MLXIP: variants seen among roughly 807,000 people sequenced by gnomAD.
MLXIP encodes the protein MLX interacting protein.
Under a neutral mutation model 87.2 loss-of-function variants are expected in MLXIP, and 30 were observed. The observed-to-expected ratio is 0.34, with a 90% CI of 0.26 to 0.47. MLXIP has a LOEUF of 0.47. Ranked by LOEUF, MLXIP falls within the 20% of genes least tolerant of loss-of-function variation. The pLI, the probability that MLXIP is intolerant of heterozygous loss-of-function variation, is 1.00. For missense variants in MLXIP, 1,002 were observed against 1,240.1 expected, an observed-to-expected ratio of 0.81 and a Z score of 2.88; for synonymous variants, 530 against 514.0, an observed-to-expected ratio of 1.03 and a Z score of -0.42.
chr12:122,133,936 C>G lies in MLXIP; in HGVS notation c.1681C>G (p.Pro561Ala). The change falls in exon 9 of 17, where the codon CCC becomes GCC. Residue 561 changes from proline to alanine, a missense_variant. By Grantham distance (27) the Pro-to-Ala change is conservative. Around this residue, in one of 3 missense-constraint regions of MLXIP, gnomAD observed 746 missense variants for 897.0 expected, o/e 0.83. Transcript: ENST00000319080. This position sits in a 1 kb window ranked among gnomAD's most constrained non-coding sequence, Gnocchi z 4.9. Reference protein sequence around the residue: ...PKQPHKIVPAPKPEPVSLVLK... With the variant: ...PKQPHKIVPAAKPEPVSLVLK... ...GCAGCCCCACAAAATAGTGCCTGCTCCCAAACCAGAGCCCGTGTCCTTGGT... is the reference window on the plus strand; with the variant it reads ...GCAGCCCCACAAAATAGTGCCTGCTGCCAAACCAGAGCCCGTGTCCTTGGT... 1 of 1,607,326 alleles carries G rather than the reference C, an allele frequency of 6.2e-7. No individual in the cohort carries two copies. Among genetic ancestry groups the G allele is most frequent in the East Asian group, 2.2e-5 (1 of 44,666 alleles).
chr12:122,137,784 T>C lies in MLXIP; in HGVS notation c.2154+194T>C. On this transcript the variant is annotated intron_variant, in intron 12 of 16. Transcript: ENST00000319080. This position sits in a 1 kb window ranked among gnomAD's most constrained non-coding sequence, Gnocchi z 4.1. ...GGGGATGGTGGGCCCCCTGGAGGCT[T>C]TTGGGTGAGCCCCAAGCCTGGGAGC... 2.4e-6 allele frequency: 1 copy of C among 413,696 alleles called. No individual in the cohort carries two copies. 25.6% of individuals were successfully genotyped at this position (413,696 alleles called of 1,614,324 possible).
At chr12:122,112,311 G>A (rs892904141) in intron 1 of MLXIP, among the ~76,000 whole-genome samples, 7 of 152,198 alleles carry the variant, frequency 4.6e-5, no homozygotes, top group African/African-American at 1.7e-4. Flanking sequence ...CTCCCCAGAT[G>A]AATCAGAGTT....
chr12:122,125,082 C>A (rs369611402), intron 1 of MLXIP, among the ~76,000 whole-genome samples: 38 of 152,356 alleles, frequency 2.5e-4, no homozygotes, highest in African/African-American at 9.1e-4. Context: ...AGGAGAATCA[C>A]TTGAACCCGG....
intron 1 of MLXIP, among the ~76,000 whole-genome samples, chr12:122,090,593 G>A (rs1952232474): frequency 6.6e-6 from 1 of 152,054 alleles, no homozygotes. Context: ...TCAGGTGGTG[G>A]GTACTTGAGT....
In MLXIP at chr12:122,140,140, G is replaced by T. The variant is rs1356673711; in HGVS notation, c.2509-814G>T. ...GAAATGGCATACTCCCCATCATCAG[G>T]CCGAGGTGGAGGAACTGTGAGTGCC... On this transcript the variant is annotated intron_variant, in intron 15 of 16. Coordinates refer to ENST00000319080, the MANE Select transcript of MLXIP (RefSeq NM_014938.6). Among the ~76,000 whole-genome samples the T allele has an allele frequency of 2.0e-5, 3 of 152,210 alleles. No individual in the cohort carries two copies. The East Asian group carries it at 5.8e-4, about 29-fold the overall frequency.
At chr12:122,139,523 G>A (rs958415031) in intron 15 of MLXIP, among the ~76,000 whole-genome samples, 1 of 152,190 alleles carries the variant, frequency 6.6e-6, no homozygotes, top group Non-Finnish European at 1.5e-5. Context: ...GTAAACGGTC[G>A]GCACATGTGT....
intron 1 of MLXIP, among the ~76,000 whole-genome samples, chr12:122,119,379 C>A (rs1227191121): frequency 1.3e-5 from 2 of 150,754 alleles, no homozygotes; most frequent in African/African-American, 4.9e-5. Context: ...TGTAGATATG[C>A]CAGTTTTTTT....
chr12:122,129,921 CT>C lies in MLXIP; in HGVS notation c.739-19del, dbSNP rs1339026169. The C allele has an allele frequency of 6.3e-7, 1 of 1,597,910 alleles. No individual in the cohort carries two copies. The highest frequency in any genetic ancestry group is 1.3e-5 in the African/African-American group (1 of 74,630). On this transcript the variant is annotated intron_variant, in intron 5 of 16. Coordinates refer to ENST00000319080, the MANE Select transcript of MLXIP (RefSeq NM_014938.6). ...CTGTTACTCTTTGATGCTTCCTCCC[CT>C]GTGTTGGTGTTGTGTTAGGACGATG... is the stretch of plus-strand genomic sequence containing the variant.
At chr12:122,141,259 T>C (rs1953198284) in intron 16 of MLXIP, 176 bp downstream of exon 16, 2 of 470,110 alleles carry the variant, frequency 4.3e-6, no homozygotes, top group South Asian at 1.8e-4. Context: ...GGCAGGAGGC[T>C]CCTGCCCTTT....
chr12:122,134,106 C>A, intron 9 of MLXIP, 119 bp downstream of exon 9: 1 of 1,160,650 alleles, frequency 8.6e-7, no homozygotes, highest in Non-Finnish European at 1.2e-6. Context: ...CGTGCATGCG[C>A]ACACACATAC....
rs988110708 is a variant in MLXIP at position 122,133,893 on chromosome 12, G to C, written c.1638G>C (p.Leu546Phe). 28 of 1,610,708 alleles carry C rather than the reference G, an allele frequency of 1.7e-5. No homozygotes were observed. Among genetic ancestry groups the C allele is most frequent in the Non-Finnish European group, 2.4e-5 (28 of 1,178,764 alleles). Residue 546 changes from leucine to phenylalanine, a missense_variant, in exon 9 of 17, where the codon TTG (leucine) becomes TTC (phenylalanine). This residue lies in a region of MLXIP where 746 missense variants were observed against 897.0 expected (regional missense o/e 0.83). Coordinates refer to ENST00000319080, the MANE Select transcript of MLXIP (RefSeq NM_014938.6). The surrounding 1 kb of genome is among the most constrained non-coding windows in gnomAD (Gnocchi z 4.9). ...LTFVHPKPVS[L>F]TGGRPKQPHK... is the part of the protein sequence containing the mutation. The stretch of plus-strand genomic sequence containing the variant: ...TTGTGCACCCCAAACCTGTATCCTT[G>C]ACTGGGGGCAGGCCTAAGCAGCCCC...
intron 1 of MLXIP, among the ~76,000 whole-genome samples, chr12:122,121,396 T>G (rs1952782620): frequency 6.9e-6 from 1 of 144,872 alleles, no homozygotes; most frequent in Non-Finnish European, 1.5e-5. Context: ...GCCTCCTGAG[T>G]AGCTGGGATT....
At chr12:122,138,708 C>G in intron 14 of MLXIP, 107 bp from the exon 15 acceptor site, 1 of 1,511,078 alleles carries the variant, frequency 6.6e-7, no homozygotes, top group Non-Finnish European at 8.8e-7. Flanking sequence ...CCTCTCTTCT[C>G]TGTGCCTGGC....
At chr12:122,140,816 C>T (rs1211316849) in intron 15 of MLXIP, 138 bp from the exon 16 acceptor site, 10 of 1,352,600 alleles carry the variant, frequency 7.4e-6, no homozygotes, top group Non-Finnish European at 6.3e-6. Flanking sequence ...ATCTCTCCCT[C>T]TTTTCCCCAG....
chr12:122,107,208 G>A (rs1452553532), intron 1 of MLXIP, among the ~76,000 whole-genome samples: 1 of 152,072 alleles, frequency 6.6e-6, no homozygotes, highest in South Asian at 2.1e-4. Flanking sequence ...TCCTCGTGGC[G>A]GGAGCTGGGG....
At chr12:122,128,950 TTAGC>T in intron 3 of MLXIP, 183 bp from the exon 4 acceptor site, 1 of 603,632 alleles carries the variant, frequency 1.7e-6, no homozygotes, top group East Asian at 2.8e-5. Context: ...CAGCGCATTG[TTAGC>T]TAGAGGGTCT....
intron 1 of MLXIP, among the ~76,000 whole-genome samples, chr12:122,088,626 G>A (rs578241279): frequency 6.6e-6 from 1 of 152,254 alleles, no homozygotes; most frequent in Non-Finnish European, 1.5e-5. Context: ...GCCGCCTGGG[G>A]CAGTTTTCAG....
At position 122,094,753 on chromosome 12, in the gene MLXIP, G is replaced by A. The variant is rs988279136; in HGVS notation, c.413+15487G>A. On this transcript the variant is annotated intron_variant, in intron 1 of 16. Coordinates refer to ENST00000319080, the MANE Select transcript of MLXIP (RefSeq NM_014938.6). ...TGGCATGTGTGTGGTATGTGTGGGT[G>A]TGTGTATGCGGTGTCTGTGGTGTTG... Among the ~76,000 whole-genome samples, 221 of 147,886 alleles carry A rather than the reference G, an allele frequency of 1.5e-3. 1 individual carries two copies. The highest frequency in any genetic ancestry group is 4.1e-3 in the Admixed American group (61 of 14,800).
In MLXIP at chr12:122,138,190, G is replaced by A; in HGVS notation, c.2155-4G>A. On this transcript the variant is annotated splice_region_variant and splice_polypyrimidine_tract_variant and intron_variant, in intron 12 of 16. Transcript: ENST00000319080. Reference sequence around the variant, plus strand: ...GTCTTAGTGACCAGCGGGTTCTCCAGCAGAACCGGCAGATGAAGCACATCT... The same window carrying A: ...GTCTTAGTGACCAGCGGGTTCTCCAACAGAACCGGCAGATGAAGCACATCT... The A allele has an allele frequency of 2.5e-6, 4 of 1,596,898 alleles. No homozygotes were observed. The highest frequency in any genetic ancestry group is 3.4e-6 in the Non-Finnish European group (4 of 1,171,854).
Sources: gnomAD v4.1 joint callset for allele counts (sites outside exome capture counted in the v4.1 genomes callset) on GRCh38, gnomAD v4.1.1 for gene constraint, gnomAD v4.1.1 regional missense constraint, Gnocchi (gnomAD v3.1) non-coding constraint, MANE v1.5 for transcripts, NCBI Gene and HGNC (gene_info 2026-07-23, HGNC 2026-07-21) for gene names.